The following ALDH1L2 variants were observed in gnomAD, a reference collection of about 807,000 sequenced individuals.
ALDH1L2 encodes the protein mitochondrial 10-formyltetrahydrofolate dehydrogenase.
In ALDH1L2, 91 loss-of-function variants were observed where a neutral mutation model predicts 111.0. The ratio of observed to expected loss-of-function variants is 0.82; its 90% confidence interval spans 0.69 to 0.98. The LOEUF (loss-of-function observed/expected upper bound fraction) is 0.98. Among genes scored for constraint, ALDH1L2 ranks in the 50% least tolerant of loss-of-function variants. The pLI, the probability that ALDH1L2 is intolerant of heterozygous loss-of-function variation, is 0.00. For missense variants in ALDH1L2, 995 were observed against 1,126.8 expected (o/e 0.88, Z 1.67); for synonymous variants, 374 against 392.6 (o/e 0.95, Z 0.56).
rs74449999 is a variant in ALDH1L2, at chr12:105,070,707, G to A, written c.291C>T (p.Ser97=). ...TIKEVAEAYR[S]VGAELNVLPF... is the part of the protein sequence containing the mutation. ...GGAGCACATTTAGCTCTGCACCCAC[G>A]GATCTGTAGGCTTCTGCCACTTCTT... The change falls in exon 3 of 23, where the codon TCC becomes TCT. Residue 97 remains serine (S), a synonymous_variant. Transcript: ENST00000258494. 54,354 of 1,614,110 alleles carry A rather than the reference G, an allele frequency of 0.034. 1,157 individuals are homozygous for A. The highest frequency in any genetic ancestry group is 0.04 in the Non-Finnish European group (47,073 of 1,180,002).
At chr12:105,031,211 G>C (rs747500232) in intron 20 of ALDH1L2, among the ~76,000 whole-genome samples, 1 of 152,094 alleles carries the variant, frequency 6.6e-6, no homozygotes, top group Non-Finnish European at 1.5e-5. Context: ...AGTGTTATGA[G>C]ATTCATAATA....
intron 19 of ALDH1L2, among the ~76,000 whole-genome samples, chr12:105,034,012 C>T (rs966916534): frequency 2.0e-5 from 3 of 152,100 alleles, no homozygotes; most frequent in Non-Finnish European, 4.4e-5. Context: ...CAGTGAAACC[C>T]CATGTACTCA....
rs954447263 is a variant in ALDH1L2 at position 105,057,890 on chromosome 12, T to C, written c.1287+183A>G. Among the ~76,000 whole-genome samples, 9 of 152,350 alleles carry C rather than the reference T, an allele frequency of 5.9e-5. No individual in the cohort carries two copies. In the Middle Eastern group the frequency reaches 0.01, roughly 173 times the overall value. Reference sequence around the variant, plus strand: ...TAATAATTGCACAACCCTGTGAATATATTAAAAACTACCCAAAATGCACAT... The same window carrying C: ...TAATAATTGCACAACCCTGTGAATACATTAAAAACTACCCAAAATGCACAT... On this transcript the variant is annotated intron_variant, in intron 10 of 22. Transcript: ENST00000258494.
intron 17 of ALDH1L2, among the ~76,000 whole-genome samples, chr12:105,038,806 CA>C (rs1875345807): frequency 6.6e-6 from 1 of 152,012 alleles, no homozygotes; most frequent in Non-Finnish European, 1.5e-5. Flanking sequence ...AGACATTTTC[CA>C]TAATAAAAAA....
chr12:105,052,792 C>A lies in ALDH1L2; in HGVS notation c.1407+20G>T. The A allele has an allele frequency of 6.2e-7, 1 of 1,613,772 alleles. No individual in the cohort carries two copies. ...AAATCCATGACCAGTGATCACTACT[C>A]ACACTAAAGAATTACTCACAGATCC... is the stretch of plus-strand genomic sequence containing the variant. On this transcript the variant is annotated intron_variant, in intron 11 of 22. Transcript: ENST00000258494.
chr12:105,076,571 G>T (rs1398876623), intron 1 of ALDH1L2, among the ~76,000 whole-genome samples: 1 of 152,176 alleles, frequency 6.6e-6, no homozygotes, highest in Non-Finnish European at 1.5e-5. Context: ...CACCAGCTGT[G>T]CAGTCTTGAA....
chr12:105,030,776 TAAG>T (rs1222990019), intron 20 of ALDH1L2, among the ~76,000 whole-genome samples: 1 of 152,194 alleles, frequency 6.6e-6, no homozygotes, highest in African/African-American at 2.4e-5. Flanking sequence ...CTGTAAAAAA[TAAG>T]GATATTTTCT....
chr12:105,072,169 T>C (rs1400474261), intron 2 of ALDH1L2, among the ~76,000 whole-genome samples: 2 of 147,910 alleles, frequency 1.4e-5, no homozygotes, highest in Admixed American at 6.8e-5. Flanking sequence ...TTATAGAAAT[T>C]ATGATATCTA....
chr12:105,040,747 G>A (rs757946041), intron 15 of ALDH1L2, 53 bp from the exon 16 acceptor site: 36 of 1,497,888 alleles, frequency 2.4e-5, no homozygotes, highest in Non-Finnish European at 3.3e-5. Context: ...CTGACCTTTA[G>A]CCCAGAACCC....
intron 12 of ALDH1L2, among the ~76,000 whole-genome samples, chr12:105,051,183 CTG>C (rs545359521): frequency 2.4e-4 from 37 of 152,320 alleles, no homozygotes; most frequent in Middle Eastern, 6.8e-3. Flanking sequence ...TTGCCGCTCT[CTG>C]TATCCATTCT....
intron 8 of ALDH1L2, among the ~76,000 whole-genome samples, chr12:105,061,351 G>C (rs1251680528): frequency 1.3e-5 from 2 of 152,080 alleles, no homozygotes; most frequent in Non-Finnish European, 2.9e-5. Flanking sequence ...ACGCCCCCCA[G>C]GGAGACCTTG....
intron 21 of ALDH1L2, among the ~76,000 whole-genome samples, chr12:105,028,090 G>C (rs1054387383): frequency 2.0e-5 from 3 of 152,080 alleles, no homozygotes; most frequent in African/African-American, 7.2e-5. Flanking sequence ...CACATGGCCA[G>C]CAAATACAAG....
intron 10 of ALDH1L2, 56 bp from the exon 11 acceptor site, chr12:105,052,987 C>T: frequency 1.3e-6 from 2 of 1,583,850 alleles, no homozygotes; most frequent in Non-Finnish European, 1.7e-6. Flanking sequence ...AATTTGATGT[C>T]AAACAGCAAT....
intron 10 of ALDH1L2, among the ~76,000 whole-genome samples, chr12:105,055,822 A>G (rs183331340): frequency 2.9e-4 from 44 of 152,290 alleles, no homozygotes; most frequent in Non-Finnish European, 7.4e-5. Context: ...GGAGGGACCC[A>G]ATAGCAAATT....
In ALDH1L2 at chr12:105,031,755, A is replaced by G; in HGVS notation, c.2410+14T>C. ...AGGCGGGCACCCGGTAAACCCCCAC[A>G]GAGGTGATCTTACCTGGCCTTTGGA... is the stretch of plus-strand genomic sequence containing the variant. On this transcript the variant is annotated intron_variant, in intron 20 of 22. Transcript: ENST00000258494. 6.2e-7 allele frequency: 1 copy of G among 1,613,570 alleles called. No homozygotes were observed. The highest frequency in any genetic ancestry group is 1.1e-5 in the South Asian group (1 of 91,028).
At chr12:105,025,142 G>A (rs1432586440) in intron 22 of ALDH1L2, among the ~76,000 whole-genome samples, 2 of 152,176 alleles carry the variant, frequency 1.3e-5, no homozygotes, top group Non-Finnish European at 2.9e-5. Context: ...AATACCATGG[G>A]AAAACTAATG....
intron 1 of ALDH1L2, among the ~76,000 whole-genome samples, chr12:105,079,010 A>G (rs371178288): frequency 1.3e-5 from 2 of 152,234 alleles, no homozygotes; most frequent in Non-Finnish European, 1.5e-5. Context: ...TGTGAAGACA[A>G]TGAGATTCAC....
Position 105,034,305 on chromosome 12 carries a change from T to G in ALDH1L2, c.2239A>C (p.Arg747=). The change falls in exon 19 of 23, where the codon AGA becomes CGA. Residue 747 remains arginine, a synonymous_variant. Transcript: ENST00000258494. ...EESIHDEFVT[R]VVEEIKKMKI... The stretch of plus-strand genomic sequence containing the variant: ...TAAATGTGAAGGTGCCTCACCACTC[T>G]TGTCACAAATTCGTCGTGGATGGAT... The G allele has an allele frequency of 6.2e-7, 1 of 1,613,750 alleles. No homozygotes were observed.
chr12:105,048,892 G>A (rs1028171726), intron 13 of ALDH1L2, among the ~76,000 whole-genome samples: 4 of 152,054 alleles, frequency 2.6e-5, no homozygotes, highest in African/African-American at 4.8e-5. Flanking sequence ...TTAGCCAGGC[G>A]TGGTGGTGCA....
Sources: gnomAD v4.1 joint callset for allele counts (sites outside exome capture counted in the v4.1 genomes callset) on GRCh38, gnomAD v4.1.1 for gene constraint, MANE v1.5 for transcripts, NCBI Gene and HGNC (gene_info 2026-07-23, HGNC 2026-07-21) for gene names.